Variants in PCNT observed in about 807,000 individuals in gnomAD.
PCNT encodes the protein pericentrin.
PCNT carries 319 observed loss-of-function variants against 380.4 expected under a neutral mutation model. The ratio of observed to expected loss-of-function variants is 0.84; its 90% confidence interval spans 0.77 to 0.92. PCNT has a LOEUF of 0.92. Ranked by LOEUF, PCNT falls within the 40% of genes least tolerant of loss-of-function variation. The probability of loss-of-function intolerance (pLI) is 0.00; values close to 1 mark genes in which losing one functional copy is unlikely to be tolerated. For missense variants in PCNT, 4,400 were observed against 4,255.3 expected (o/e 1.03, Z -0.95); for synonymous variants, 1,845 against 1,735.2 (o/e 1.06, Z -1.57).
Position 46,353,250 on chromosome 21 carries a change from C to T in PCNT, c.1603C>T (p.Gln535Ter), listed in dbSNP as rs2084342275. The T allele has an allele frequency of 6.2e-7, 1 of 1,613,998 alleles. No homozygotes were observed. Among genetic ancestry groups the T allele is most frequent in the Non-Finnish European group, 8.5e-7 (1 of 1,180,026 alleles). The change falls in exon 10 of 47, where the codon CAA becomes TAA. Residue 535 changes from glutamine to a stop codon, truncating the protein, a stop_gained. Coordinates refer to ENST00000359568, the MANE Select transcript of PCNT (RefSeq NM_006031.6). LOFTEE classifies it high-confidence loss of function. ...GTTAAGGGATGCTGAGAAAACTTACCAAGAAGACCTAACCCTGTTACAGCA... is the reference window on the plus strand; with the variant it reads ...GTTAAGGGATGCTGAGAAAACTTACTAAGAAGACCTAACCCTGTTACAGCA... The part of the protein sequence containing the change: ...KKLRDAEKTY[Q>*]EDLTLLQQRL...
chr21:46,409,195 T>TA (rs1334787296), intron 27 of PCNT, among the ~76,000 whole-genome samples: 1 of 149,154 alleles, frequency 6.7e-6, no homozygotes, highest in Non-Finnish European at 1.5e-5. Flanking sequence ...TTTTACTTTT[T>TA]TTTTTTTTTT....
At position 46,411,843 on chromosome 21, in the gene PCNT, G is replaced by A. The variant is rs2086797334; in HGVS notation, c.5770G>A (p.Ala1924Thr). ...AAPPELQWLRAQCARLSRQLQ... is the reference protein window; with the variant it reads ...AAPPELQWLRTQCARLSRQLQ... ...GCCTCCCGAGCTGCAGTGGCTCCGA[G>A]CGCAGTGTGCCCGCCTCAGCCGCCA... The change falls in exon 28 of 47, where the codon GCG (alanine) becomes ACG (threonine). Residue 1924 changes from alanine (A) to threonine (T), a missense_variant. Physicochemically the swap from Ala to Thr is moderately conservative, Grantham distance 58 (BLOSUM62 0). Coordinates refer to ENST00000359568, the MANE Select transcript of PCNT (RefSeq NM_006031.6). 2 of 1,559,426 alleles carry A rather than the reference G, an allele frequency of 1.3e-6. No individual in the cohort carries two copies. The highest frequency in any genetic ancestry group is 2.3e-5 in the South Asian group (2 of 87,856).
At chr21:46,335,051 G>A (rs139419145) in intron 3 of PCNT, among the ~76,000 whole-genome samples, 22 of 152,262 alleles carry the variant, frequency 1.4e-4, no homozygotes, top group East Asian at 1.4e-3. Context: ...TTTTTCCCAT[G>A]GGACATTGAA....
At chr21:46,429,271 C>T (rs1200142193) in intron 35 of PCNT, among the ~76,000 whole-genome samples, 7 of 129,330 alleles carry the variant, frequency 5.4e-5, no homozygotes, top group African/African-American at 1.2e-4. Flanking sequence ...GCTGTGCAAG[C>T]GCTTGTCAGG....
chr21:46,352,725 A>T (rs1041477774), intron 9 of PCNT, among the ~76,000 whole-genome samples: 6 of 152,208 alleles, frequency 3.9e-5, no homozygotes, highest in African/African-American at 1.4e-4. Flanking sequence ...AGGGTCCCCC[A>T]TAGCCCACAT....
rs149001544 is a variant in PCNT, at chr21:46,441,051, G to A, written c.9590G>A (p.Arg3197His). 6.4e-5 allele frequency: 103 copies of A among 1,613,618 alleles called. No individual in the cohort carries two copies. Among genetic ancestry groups the A allele is most frequent in the African/African-American group, 2.0e-4 (15 of 74,914 alleles). The change falls in exon 43 of 47, where the codon CGC (arginine) becomes CAC (histidine). Residue 3197 changes from arginine (R) to histidine (H), a missense_variant. Coordinates refer to ENST00000359568, the MANE Select transcript of PCNT (RefSeq NM_006031.6). ...ACATCTCGTCCTTTCACCAGGTTCC[G>A]CACGGCCGTCAGGGTGGTCATTGCA... ...KITSRPFTRF[R>H]TAVRVVIAIL...
At position 46,353,205 on chromosome 21, in the gene PCNT, A is replaced by G. The variant is rs2084341005; in HGVS notation, c.1558A>G (p.Arg520Gly). The G allele has an allele frequency of 2.5e-6, 4 of 1,614,138 alleles. No individual in the cohort carries two copies. Among genetic ancestry groups the G allele is most frequent in the Admixed American group, 1.7e-5 (1 of 60,020 alleles). Residue 520 changes from arginine (R) to glycine (G), a missense_variant, in exon 10 of 47, where the codon AGG becomes GGG. Arg to Gly is a moderately radical substitution (Grantham distance 125, BLOSUM62 -2). Transcript: ENST00000359568. ...TQHESELEQLRIYFEKKLRDA... is the reference protein window; with the variant it reads ...TQHESELEQLGIYFEKKLRDA... ...GCATGAGTCCGAACTGGAGCAACTG[A>G]GGATTTATTTTGAAAAGAAGTTAAG...
chr21:46,392,901 CT>C (rs1569244046), intron 21 of PCNT, among the ~76,000 whole-genome samples: 1 of 152,092 alleles, frequency 6.6e-6, no homozygotes, highest in Admixed American at 6.5e-5. Context: ...TATTTTAAGT[CT>C]TTTTTAATAC....
intron 15 of PCNT, among the ~76,000 whole-genome samples, chr21:46,371,795 A>C (rs1040155744): frequency 6.6e-6 from 1 of 151,890 alleles, no homozygotes; most frequent in African/African-American, 2.4e-5. Flanking sequence ...CACACAGCAC[A>C]TGTGCACACA....
chr21:46,394,034 CTT>C (rs1294521518), intron 21 of PCNT, among the ~76,000 whole-genome samples: 1 of 152,236 alleles, frequency 6.6e-6, no homozygotes, highest in East Asian at 1.9e-4. Flanking sequence ...CTGGGGTCCT[CTT>C]TGTTTGCTTT....
Position 46,418,211 on chromosome 21 carries a change from A to T in PCNT, c.6929A>T (p.Asp2310Val). 3 of 1,571,432 alleles carry T rather than the reference A, an allele frequency of 1.9e-6. No homozygotes were observed. Among genetic ancestry groups the T allele is most frequent in the Non-Finnish European group, 2.6e-6 (3 of 1,143,012 alleles). The change falls in exon 31 of 47, where the codon GAT becomes GTT. Residue 2310 changes from aspartate to valine, a missense_variant. Transcript: ENST00000359568. ...HHVQRTAVEK[D>V]VEDFITTSFD... The stretch of plus-strand genomic sequence containing the variant: ...TTAAAAATCTCTTAACAGGAGAAAG[A>T]TGTCGAAGATTTTATCACAACATCC...
chr21:46,403,587 C>T (rs1208819428), intron 27 of PCNT, among the ~76,000 whole-genome samples: 2 of 120,080 alleles, frequency 1.7e-5, no homozygotes, highest in African/African-American at 3.1e-5. Flanking sequence ...GGCACATGCT[C>T]GGTGAGTGAA....
chr21:46,408,828 T>C (rs2086695839), intron 27 of PCNT, among the ~76,000 whole-genome samples: 1 of 149,988 alleles, frequency 6.7e-6, no homozygotes. Flanking sequence ...GTTCAAGCAA[T>C]TCTCCTGCCT....
At chr21:46,349,263 C>T in intron 7 of PCNT, 77 bp downstream of exon 7, 3 of 1,165,034 alleles carry the variant, frequency 2.6e-6, no homozygotes, top group Non-Finnish European at 3.9e-6. Flanking sequence ...TCGTTCATGT[C>T]ACCATGCGTC....
intron 27 of PCNT, among the ~76,000 whole-genome samples, chr21:46,403,047 G>C (rs907701146): frequency 6.6e-5 from 10 of 152,260 alleles, no homozygotes; most frequent in Non-Finnish European, 1.5e-4. Flanking sequence ...CAAAATTGCA[G>C]AGCATTCATA....
rs2085998249 is a variant in PCNT, at chr21:46,390,569, G to GACA, written c.3841-101_3841-100insACA. ...GGCCTGGCCCTGCCTGGGTGGTGAC[G>GACA]GCCTGAAGGGTCTGGGGGTAGAAGT... is the stretch of plus-strand genomic sequence containing the variant. On this transcript the variant is annotated intron_variant, in intron 19 of 46. Transcript: ENST00000359568. 9.9e-6 allele frequency: 13 copies of GACA among 1,313,800 alleles called. No individual in the cohort carries two copies. The South Asian group carries it at 1.4e-4, about 14-fold the overall frequency. 81.4% of individuals were successfully genotyped at this position (1,313,800 alleles called of 1,614,324 possible). A position where few individuals can be genotyped will look rare whatever the true frequency, so the allele number is the denominator to read the frequency against.
chr21:46,435,066 G>GCAGCA (rs2087910554), intron 38 of PCNT, among the ~76,000 whole-genome samples: 1 of 152,190 alleles, frequency 6.6e-6, no homozygotes, highest in South Asian at 2.1e-4. Context: ...GGGACACAGA[G>GCAGCA]CAGCACAGCA....
At chr21:46,375,073 C>G (rs923999097) in intron 15 of PCNT, among the ~76,000 whole-genome samples, 5 of 152,172 alleles carry the variant, frequency 3.3e-5, no homozygotes, top group African/African-American at 1.2e-4. Context: ...GGATACCGCC[C>G]TTGAGAGTTT....
At chr21:46,421,222 C>G (rs2087235377) in intron 31 of PCNT, among the ~76,000 whole-genome samples, 1 of 152,244 alleles carries the variant, frequency 6.6e-6, no homozygotes, top group African/African-American at 2.4e-5. Flanking sequence ...GCATCATCCC[C>G]CAGGTGCCCA....
Sources: allele counts gnomAD v4.1 joint callset (sites outside exome capture counted in the v4.1 genomes callset), GRCh38; gene constraint gnomAD v4.1.1; transcripts MANE v1.5; gene names NCBI Gene and HGNC (gene_info 2026-07-23, HGNC 2026-07-21).